The following FAM118B variants were observed in gnomAD, a reference collection of about 807,000 sequenced individuals.
FAM118B encodes protein FAM118B.
Under a neutral mutation model 38.5 loss-of-function variants are expected in FAM118B, and 24 were observed. That is an observed-to-expected ratio of 0.62 (90% CI 0.45 to 0.88). The LOEUF is 0.88. Ranked by LOEUF, FAM118B falls within the 40% of genes least tolerant of loss-of-function variation. The pLI is 0.00. For synonymous variants in FAM118B, 138 were observed against 156.3 expected, an observed-to-expected ratio of 0.88 and a Z score of 0.87; for missense variants, 334 against 420.0, an observed-to-expected ratio of 0.80 and a Z score of 1.79.
At chr11:126,247,357 T>C (rs1259787263) in intron 4 of FAM118B, among the ~76,000 whole-genome samples, 5 of 152,216 alleles carry the variant, frequency 3.3e-5, no homozygotes, top group Non-Finnish European at 7.3e-5. Flanking sequence ...TCATATTTCC[T>C]TCCTATGTTG....
At position 126,244,619 on chromosome 11, in the gene FAM118B, C is replaced by T. The variant is rs1950398365; in HGVS notation, c.339+3575C>T. Among the ~76,000 whole-genome samples, 2 of 152,172 alleles carry T rather than the reference C, an allele frequency of 1.3e-5. No individual in the cohort carries two copies. The highest frequency in any genetic ancestry group is 4.8e-5 in the African/African-American group (2 of 41,446). The stretch of plus-strand genomic sequence containing the variant: ...GGGAGGTAGAGACCAGCCTGGCCAA[C>T]ATGGTGAAACCCCGTCTCTACTAAA... On this transcript the variant is annotated intron_variant, in intron 4 of 8. Coordinates refer to ENST00000533050, the MANE Select transcript of FAM118B (RefSeq NM_024556.4). The surrounding 1 kb of genome is among the most constrained non-coding windows in gnomAD (Gnocchi z 4.5).
chr11:126,227,921 T>C (rs1002029083), intron 1 of FAM118B, among the ~76,000 whole-genome samples: 1 of 151,342 alleles, frequency 6.6e-6, no homozygotes, highest in African/African-American at 2.4e-5. Flanking sequence ...CAACTCAGCC[T>C]CCCGAGTAGC....
chr11:126,237,577 C>T (rs1403215282), intron 3 of FAM118B, among the ~76,000 whole-genome samples: 35 of 141,036 alleles, frequency 2.5e-4, no homozygotes, highest in African/African-American at 8.5e-4. Flanking sequence ...TGGCTCACGC[C>T]TGTCATCCCA....
chr11:126,234,946 G>A (rs1281465601), intron 2 of FAM118B, 49 bp from the exon 3 acceptor site: 2 of 1,437,038 alleles, frequency 1.4e-6, no homozygotes, highest in Non-Finnish European at 2.0e-6. Flanking sequence ...ATTTTGAATA[G>A]TATACTTTAC....
At chr11:126,246,918 A>G (rs920907501) in intron 4 of FAM118B, among the ~76,000 whole-genome samples, 2 of 152,118 alleles carry the variant, frequency 1.3e-5, no homozygotes, top group East Asian at 3.9e-4. Context: ...CTGGTGGCAA[A>G]TTTAGTTCTA....
chr11:126,225,649 C>T (rs1339946363), intron 1 of FAM118B, among the ~76,000 whole-genome samples: 1 of 152,176 alleles, frequency 6.6e-6, no homozygotes, highest in Non-Finnish European at 1.5e-5. Flanking sequence ...GAATCCTCTT[C>T]TCTGAGTTGC....
At chr11:126,261,688 A>C (rs1950704009) in intron 8 of FAM118B, among the ~76,000 whole-genome samples, 1 of 152,150 alleles carries the variant, frequency 6.6e-6, no homozygotes, top group Non-Finnish European at 1.5e-5. Flanking sequence ...GTGATCAGTT[A>C]ATTTTTTGAA....
At chr11:126,235,156 A>G in intron 3 of FAM118B, 69 bp downstream of exon 3, 1 of 1,244,592 alleles carries the variant, frequency 8.0e-7, no homozygotes, top group Admixed American at 1.8e-5. Flanking sequence ...TAGCCAACTT[A>G]TACCTTCTAT....
In FAM118B at chr11:126,252,709, C is replaced by T. The variant is rs73017352; in HGVS notation, c.568-1596C>T. 0.055 allele frequency among the ~76,000 whole-genome samples: 8,437 copies of T among 152,136 alleles called. 367 individuals carry two copies. The highest frequency in any genetic ancestry group is 0.18 in the East Asian group (907 of 5,174). Reference sequence around the variant, plus strand: ...AGTGAGTTGTGATCACACTGTTGCACTCCAGCCTGGGTGACAGCATAAGAT... The same window carrying T: ...AGTGAGTTGTGATCACACTGTTGCATTCCAGCCTGGGTGACAGCATAAGAT... On this transcript the variant is annotated intron_variant, in intron 5 of 8. Coordinates refer to ENST00000533050, the MANE Select transcript of FAM118B (RefSeq NM_024556.4). The surrounding 1 kb of genome is among the most constrained non-coding windows in gnomAD (Gnocchi z 4.7).
At chr11:126,215,481 G>A (rs1003843141) in intron 1 of FAM118B, among the ~76,000 whole-genome samples, 1 of 149,804 alleles carries the variant, frequency 6.7e-6, no homozygotes, top group Non-Finnish European at 1.5e-5. Context: ...GGCGGATCAC[G>A]AGATCAGGAG....
intron 2 of FAM118B, among the ~76,000 whole-genome samples, chr11:126,230,869 A>C (rs1168323520): frequency 6.6e-6 from 1 of 152,148 alleles, no homozygotes; most frequent in Non-Finnish European, 1.5e-5. Context: ...AGCTGCTGGG[A>C]TTCTTTGATG....
chr11:126,237,132 G>C (rs1488077064), intron 3 of FAM118B, among the ~76,000 whole-genome samples: 1 of 148,608 alleles, frequency 6.7e-6, no homozygotes, highest in African/African-American at 2.5e-5. Flanking sequence ...TAGCCAGGAT[G>C]GCCTTAATCT....
intron 1 of FAM118B, among the ~76,000 whole-genome samples, chr11:126,228,817 C>A (rs576255293): frequency 6.6e-6 from 1 of 152,168 alleles, no homozygotes; most frequent in Non-Finnish European, 1.5e-5. Context: ...CCTTGGCCCC[C>A]CAAAGTGCTG....
chr11:126,248,592 G>A (rs1174834005), intron 4 of FAM118B, among the ~76,000 whole-genome samples: 4 of 151,860 alleles, frequency 2.6e-5, no homozygotes, highest in Non-Finnish European at 4.4e-5. Context: ...GGATGGTCTC[G>A]ATCTCTTGAC....
At chr11:126,261,514 A>G in intron 8 of FAM118B, 30 bp downstream of exon 8, 2 of 1,570,682 alleles carry the variant, frequency 1.3e-6, no homozygotes, top group Non-Finnish European at 8.8e-7. Flanking sequence ...ACTATTTATC[A>G]CTCTGTAGCA....
intron 3 of FAM118B, among the ~76,000 whole-genome samples, chr11:126,239,767 G>GC (rs1230074122): frequency 6.6e-6 from 1 of 152,112 alleles, no homozygotes. Context: ...GCCCACCTTG[G>GC]CCCCCCAAAG....
chr11:126,262,154 C>A lies in FAM118B; in HGVS notation c.*21C>A. Reference sequence around the variant, plus strand: ...CATGAGCGAGCTAGAGAAATCACCACCGTTTAGACCAAGCTGTAAGGCCCT... The same window carrying A: ...CATGAGCGAGCTAGAGAAATCACCAACGTTTAGACCAAGCTGTAAGGCCCT... On this transcript the variant is annotated 3_prime_UTR_variant, in exon 9 of 9. Transcript: ENST00000533050. The A allele has an allele frequency of 6.2e-7, 1 of 1,613,410 alleles. No homozygotes were observed. The highest frequency in any genetic ancestry group is 1.7e-4 in the Middle Eastern group (1 of 6,060).
chr11:126,226,915 C>CTA (rs1479275582), intron 1 of FAM118B, among the ~76,000 whole-genome samples: 1 of 145,332 alleles, frequency 6.9e-6, no homozygotes, highest in Non-Finnish European at 1.5e-5. Context: ...CTGCAATGAG[C>CTA]TATGATCATG....
At chr11:126,235,424 A>G (rs540007436) in intron 3 of FAM118B, among the ~76,000 whole-genome samples, 1 of 152,262 alleles carries the variant, frequency 6.6e-6, no homozygotes, top group East Asian at 1.9e-4. Context: ...AGTATGGAAT[A>G]TAAGGACTGC....
Sources: allele counts gnomAD v4.1 joint callset (sites outside exome capture counted in the v4.1 genomes callset), GRCh38; gene constraint gnomAD v4.1.1; non-coding constraint Gnocchi (gnomAD v3.1); transcripts MANE v1.5; gene names NCBI Gene and HGNC (gene_info 2026-07-23, HGNC 2026-07-21).